PTPRJ: variants seen among roughly 807,000 people sequenced by gnomAD.
PTPRJ encodes protein tyrosine phosphatase receptor type J.
PTPRJ carries 129 observed loss-of-function variants against 141.3 expected under a neutral mutation model. The observed-to-expected ratio is 0.91, with a 90% CI of 0.79 to 1.06. The LOEUF is 1.06. PTPRJ is among the 50% of genes least tolerant of loss of function. The pLI is 0.00. For synonymous variants in PTPRJ, 610 were observed against 640.5 expected (o/e 0.95, Z 0.72); for missense variants, 1,601 against 1,679.7 (o/e 0.95, Z 0.82).
intron 10 of PTPRJ, among the ~76,000 whole-genome samples, 188 bp downstream of exon 10, chr11:48,137,469 T>A (rs1438214512): frequency 2.6e-5 from 4 of 152,188 alleles, no homozygotes; most frequent in Non-Finnish European, 4.4e-5. Context: ...ATTCAATAAA[T>A]ATTTATTGAG....
In PTPRJ at chr11:48,049,150, C is replaced by T. The variant is rs1451019140; in HGVS notation, c.97-60908C>T. Among the ~76,000 whole-genome samples, 8 of 152,218 alleles carry T rather than the reference C, an allele frequency of 5.3e-5. No individual in the cohort carries two copies. The East Asian group carries it at 5.8e-4, about 11-fold the overall frequency. On this transcript the variant is annotated intron_variant, in intron 1 of 24. Coordinates refer to ENST00000418331, the MANE Select transcript of PTPRJ (RefSeq NM_002843.4). ...GAGTCTGATGAGTCTTTGTTGTGAG[C>T]GCTGTCCTGTGCATTGCAGGATGTT...
intron 1 of PTPRJ, among the ~76,000 whole-genome samples, chr11:48,081,242 G>A (rs1160074524): frequency 6.6e-6 from 1 of 152,202 alleles, no homozygotes; most frequent in Non-Finnish European, 1.5e-5. Flanking sequence ...GCCGCCAAGT[G>A]CCCCCTCCTG....
intron 1 of PTPRJ, among the ~76,000 whole-genome samples, chr11:47,993,191 C>G (rs1189037454): frequency 6.6e-6 from 1 of 152,176 alleles, no homozygotes; most frequent in Non-Finnish European, 1.5e-5. Flanking sequence ...CTGGAAACTT[C>G]AGGGTGACCA....
At chr11:48,025,135 G>A (rs769953434) in intron 1 of PTPRJ, among the ~76,000 whole-genome samples, 82 of 152,130 alleles carry the variant, frequency 5.4e-4, no homozygotes, top group Non-Finnish European at 8.1e-4. Context: ...TGGAATCTAG[G>A]GGGGGCATAC....
At chr11:48,138,752 A>G (rs558450046) in intron 10 of PTPRJ, among the ~76,000 whole-genome samples, 12 of 152,308 alleles carry the variant, frequency 7.9e-5, no homozygotes, top group African/African-American at 2.6e-4. Context: ...CTGCCATGTC[A>G]TCATCAGCCA....
chr11:48,057,297 A>G (rs1023481146), intron 1 of PTPRJ, among the ~76,000 whole-genome samples: 9 of 152,184 alleles, frequency 5.9e-5, no homozygotes, highest in Non-Finnish European at 1.0e-4. Context: ...GGTAAACGTT[A>G]GTTGTTCTTT....
intron 14 of PTPRJ, 140 bp downstream of exon 14, chr11:48,145,264 T>A: frequency 8.3e-7 from 1 of 1,205,152 alleles, no homozygotes; most frequent in Admixed American, 2.1e-5. Flanking sequence ...GAGGTTGAGA[T>A]GTCACTGGGT....
chr11:47,997,677 A>G (rs1055761898), intron 1 of PTPRJ, among the ~76,000 whole-genome samples: 7 of 152,150 alleles, frequency 4.6e-5, no homozygotes, highest in African/African-American at 1.7e-4. Context: ...CTCTGCTGCA[A>G]GGGATGTGAA....
chr11:48,008,368 C>A (rs1417448795), intron 1 of PTPRJ, among the ~76,000 whole-genome samples: 5 of 151,982 alleles, frequency 3.3e-5, no homozygotes, highest in African/African-American at 1.2e-4. Context: ...TTAAGCAATT[C>A]TCTGCCTCAT....
chr11:48,028,510 G>A (rs1301273467), intron 1 of PTPRJ, among the ~76,000 whole-genome samples: 4 of 152,230 alleles, frequency 2.6e-5, no homozygotes, highest in Non-Finnish European at 5.9e-5. Flanking sequence ...AGGTTAAGCT[G>A]CTGGGCGTGG....
At chr11:48,047,567 G>GA (rs949619132) in intron 1 of PTPRJ, among the ~76,000 whole-genome samples, 11 of 151,458 alleles carry the variant, frequency 7.3e-5, no homozygotes, top group African/African-American at 2.7e-4. Context: ...GCAGTGGTGG[G>GA]ATCTCAGCTC....
rs1217187387 is a variant in PTPRJ at position 48,046,912 on chromosome 11, A to ATT, written c.97-63126_97-63125dup. Among the ~76,000 whole-genome samples the ATT allele has an allele frequency of 4.3e-3, 316 of 74,164 alleles. 7 individuals carry two copies. The highest frequency in any genetic ancestry group is 5.6e-3 in the Non-Finnish European group (245 of 43,618). 48.7% of individuals were successfully genotyped at this position (74,164 alleles called of 152,430 possible). The stretch of plus-strand genomic sequence containing the variant: ...TACATATATATATATATATATATAT[A>ATT]TTTTTTTTTTTTTTTTTTTTTGAGA... On this transcript the variant is annotated intron_variant, in intron 1 of 24. Transcript: ENST00000418331.
chr11:47,985,149 C>T (rs1854017219), intron 1 of PTPRJ, among the ~76,000 whole-genome samples: 1 of 151,872 alleles, frequency 6.6e-6, no homozygotes, highest in South Asian at 2.1e-4. Flanking sequence ...CCGTGCCCGG[C>T]CTGTTTTTGT....
intron 1 of PTPRJ, among the ~76,000 whole-genome samples, chr11:48,102,451 C>T (rs1180788478): frequency 6.6e-6 from 1 of 152,080 alleles, no homozygotes; most frequent in Non-Finnish European, 1.5e-5. Flanking sequence ...TCTTGTTGCC[C>T]AGGCTGGAGG....
chr11:48,041,234 C>T (rs925895722), intron 1 of PTPRJ, among the ~76,000 whole-genome samples: 2 of 151,982 alleles, frequency 1.3e-5, no homozygotes, highest in East Asian at 1.9e-4. Flanking sequence ...TAGCACCCAG[C>T]AGGGGCTCAA....
At chr11:48,110,724 C>T (rs1856416144) in intron 2 of PTPRJ, among the ~76,000 whole-genome samples, 1 of 152,082 alleles carries the variant, frequency 6.6e-6, no homozygotes, top group African/African-American at 2.4e-5. Context: ...CCTTTTGTTG[C>T]TACATTGCTA....
In PTPRJ at chr11:48,167,388, T is replaced by G. The variant is rs1857941574; in HGVS notation, c.*26T>G. ...TTCCAAAGGAATAACCTTTCTGGAG[T>G]GAACCAGACCGTCGCACCCACAGCG... On this transcript the variant is annotated 3_prime_UTR_variant, in exon 25 of 25. Coordinates refer to ENST00000418331, the MANE Select transcript of PTPRJ (RefSeq NM_002843.4). 1 of 1,609,158 alleles carries G rather than the reference T, an allele frequency of 6.2e-7. No homozygotes were observed. Among genetic ancestry groups the G allele is most frequent in the African/African-American group, 1.3e-5 (1 of 74,656 alleles).
intron 1 of PTPRJ, among the ~76,000 whole-genome samples, chr11:48,078,850 A>C (rs1372025913): frequency 9.3e-6 from 1 of 107,794 alleles, no homozygotes; most frequent in East Asian, 2.5e-4. Flanking sequence ...TCATTTATGC[A>C]TTGTTTGTGG....
chr11:48,160,119 A>T (rs566121522), intron 22 of PTPRJ, 70 bp downstream of exon 22: 13 of 1,564,144 alleles, frequency 8.3e-6, no homozygotes, highest in Non-Finnish European at 1.1e-5. Flanking sequence ...GATATGTTTT[A>T]GGTTGATATT....
Sources: gnomAD v4.1 joint callset for allele counts (sites outside exome capture counted in the v4.1 genomes callset) on GRCh38, gnomAD v4.1.1 for gene constraint, MANE v1.5 for transcripts, NCBI Gene and HGNC (gene_info 2026-07-23, HGNC 2026-07-21) for gene names.